The following EYA1 variants were observed in gnomAD, a reference collection of about 807,000 sequenced individuals.
The protein encoded by EYA1 is protein phosphatase EYA1.
In EYA1, 16 loss-of-function variants were observed where a neutral mutation model predicts 82.0. The ratio of observed to expected loss-of-function variants is 0.20; its 90% CI spans 0.13 to 0.30. EYA1 has a LOEUF of 0.30. Ranked by LOEUF, EYA1 falls within the 10% of genes least tolerant of loss-of-function variation. The pLI, the probability that EYA1 is intolerant of heterozygous loss-of-function variation, is 1.00. For synonymous variants in EYA1, 261 were observed against 264.4 expected (o/e 0.99, Z 0.12); for missense variants, 633 against 730.7 (o/e 0.87, Z 1.54).
chr8:71,494,479 T>C (rs888151098), intron 2 of EYA1, among the ~76,000 whole-genome samples: 2 of 152,238 alleles, frequency 1.3e-5, no homozygotes, highest in South Asian at 4.1e-4. Flanking sequence ...TTTTTACTTA[T>C]GCATTCATAT....
chr8:71,384,845 T>G (rs751485729), intron 2 of EYA1, among the ~76,000 whole-genome samples: 1 of 152,162 alleles, frequency 6.6e-6, no homozygotes, highest in Non-Finnish European at 1.5e-5. Context: ...TTTTTAGTAT[T>G]AAGGGATATA....
chr8:71,293,764 C>T (rs1357242825), intron 9 of EYA1, among the ~76,000 whole-genome samples: 1 of 150,478 alleles, frequency 6.6e-6, no homozygotes, highest in African/African-American at 2.4e-5. Flanking sequence ...ACTCAGTAAT[C>T]TAGGAAAGGG....
chr8:71,542,683 G>C lies in EYA1; in HGVS notation c.-73+5181C>G, dbSNP rs374966329. 3.3e-5 allele frequency among the ~76,000 whole-genome samples: 5 copies of C among 152,312 alleles called. No homozygotes were observed. In the South Asian group the frequency reaches 6.2e-4, roughly 19 times the overall value. On this transcript the variant is annotated intron_variant, in intron 1 of 18. Transcript: ENST00000643681. ...GAACTCATTTATATTCCCACCTACAGAGTATAAGCATTCCTTTTTCTCTGC... is the reference window on the plus strand; with the variant it reads ...GAACTCATTTATATTCCCACCTACACAGTATAAGCATTCCTTTTTCTCTGC...
intron 11 of EYA1, among the ~76,000 whole-genome samples, chr8:71,261,591 A>G (rs1379407022): frequency 6.6e-6 from 1 of 152,236 alleles, no homozygotes; most frequent in Non-Finnish European, 1.5e-5. Flanking sequence ...TTTCAACACC[A>G]TGAAAATAAT....
At chr8:71,277,769 TTGA>T (rs1817370645) in intron 9 of EYA1, among the ~76,000 whole-genome samples, 1 of 152,174 alleles carries the variant, frequency 6.6e-6, no homozygotes, top group African/African-American at 2.4e-5. Context: ...CATTAAAAAA[TTGA>T]TGATTAGAAA....
intron 1 of EYA1, among the ~76,000 whole-genome samples, chr8:71,546,743 G>A (rs1311113805): frequency 2.0e-5 from 3 of 152,022 alleles, no homozygotes; most frequent in Non-Finnish European, 2.9e-5. Flanking sequence ...ACCTCAGGCA[G>A]TCTGCCCTCC....
chr8:71,445,777 T>C (rs1029596454), intron 2 of EYA1, among the ~76,000 whole-genome samples: 11 of 152,204 alleles, frequency 7.2e-5, no homozygotes, highest in Non-Finnish European at 1.3e-4. Context: ...TAGCTGGGAC[T>C]ACAGGCACCC....
At chr8:71,247,812 T>G (rs1000600388) in intron 11 of EYA1, among the ~76,000 whole-genome samples, 11 of 152,082 alleles carry the variant, frequency 7.2e-5, no homozygotes, top group Non-Finnish European at 1.5e-5. Flanking sequence ...CTGACTAAGG[T>G]GTTTATTCCC....
At chr8:71,354,124 T>C (rs1343518431) in intron 3 of EYA1, among the ~76,000 whole-genome samples, 6 of 152,104 alleles carry the variant, frequency 3.9e-5, no homozygotes, top group Non-Finnish European at 2.9e-5. Context: ...TTTCGACTTA[T>C]ATAAAATTTA....
At chr8:71,280,159 T>C (rs769063311) in intron 9 of EYA1, among the ~76,000 whole-genome samples, 1 of 152,194 alleles carries the variant, frequency 6.6e-6, no homozygotes. Context: ...CCAGGCTCTT[T>C]GTAGTCAGCT....
intron 11 of EYA1, among the ~76,000 whole-genome samples, chr8:71,258,748 T>A (rs1814745143): frequency 6.6e-6 from 1 of 152,254 alleles, no homozygotes; most frequent in South Asian, 2.1e-4. Flanking sequence ...CACTGCTAAT[T>A]CTAGTGTTTG....
intron 12 of EYA1, among the ~76,000 whole-genome samples, chr8:71,233,863 ATAAG>A: frequency 6.6e-6 from 1 of 152,242 alleles, no homozygotes; most frequent in Non-Finnish European, 1.5e-5. Flanking sequence ...AAATTTGAAA[ATAAG>A]TAATTAAAGA....
intron 2 of EYA1, among the ~76,000 whole-genome samples, chr8:71,452,007 T>G (rs1807423126): frequency 6.6e-6 from 1 of 152,180 alleles, no homozygotes; most frequent in Non-Finnish European, 1.5e-5. Context: ...GGTCAGGGAA[T>G]TCCCTTTCCT....
At chr8:71,455,394 C>T (rs1323847257) in intron 2 of EYA1, among the ~76,000 whole-genome samples, 4 of 152,190 alleles carry the variant, frequency 2.6e-5, no homozygotes, top group African/African-American at 7.2e-5. Flanking sequence ...GGGAATCCTC[C>T]CTAACTCATT....
In EYA1 at chr8:71,299,059, C is replaced by A. The variant is rs1343323235; in HGVS notation, c.814G>T (p.Asp272Tyr). 1 of 1,613,960 alleles carries A rather than the reference C, an allele frequency of 6.2e-7. No individual in the cohort carries two copies. Among genetic ancestry groups the A allele is most frequent in the African/African-American group, 1.3e-5 (1 of 75,020 alleles). Residue 272 changes from aspartate (D) to tyrosine (Y), a missense_variant, in exon 9 of 18, where the codon GAT becomes TAT. By Grantham distance (160) the Asp-to-Tyr change is radical. Transcript: ENST00000340726. The stretch of plus-strand genomic sequence containing the variant: ...TTCACATAATTACCTGCTGTGGGAT[C>A]TGTAACTGCTTGGCTGGTGATGCCA... ...PSGITSQAVT[D>Y]PTAEYSTIHS...
At chr8:71,275,105 C>T (rs901610536) in intron 9 of EYA1, among the ~76,000 whole-genome samples, 1 of 152,080 alleles carries the variant, frequency 6.6e-6, no homozygotes, top group African/African-American at 2.4e-5. Flanking sequence ...TCACACTCCA[C>T]GTGGCAGGGT....
chr8:71,439,978 C>G (rs1374275054), intron 2 of EYA1, among the ~76,000 whole-genome samples: 1 of 152,060 alleles, frequency 6.6e-6, no homozygotes, highest in Non-Finnish European at 1.5e-5. Flanking sequence ...CACCTATTAA[C>G]TAAAAATAAT....
intron 2 of EYA1, among the ~76,000 whole-genome samples, chr8:71,513,783 A>C (rs1812772032): frequency 6.6e-6 from 1 of 151,948 alleles, no homozygotes; most frequent in Non-Finnish European, 1.5e-5. Context: ...CTTCTACTCT[A>C]TGATGTCCTT....
At chr8:71,285,514 T>C (rs534530899) in intron 9 of EYA1, among the ~76,000 whole-genome samples, 20 of 152,284 alleles carry the variant, frequency 1.3e-4, no homozygotes, top group African/African-American at 4.6e-4. Context: ...GCAGCATGCT[T>C]TTCAAAAAAT....
Sources: gnomAD v4.1 joint callset for allele counts (sites outside exome capture counted in the v4.1 genomes callset) on GRCh38, gnomAD v4.1.1 for gene constraint, MANE v1.5 for transcripts, NCBI Gene and HGNC (gene_info 2026-07-23, HGNC 2026-07-21) for gene names.